DYNC2LI1: variants seen among roughly 807,000 people sequenced by gnomAD.
DYNC2LI1 encodes cytoplasmic dynein 2 light intermediate chain 1.
In DYNC2LI1, 45 loss-of-function variants were observed where a neutral mutation model predicts 51.9. The ratio of observed to expected loss-of-function variants is 0.87; its 90% confidence interval spans 0.68 to 1.11. The LOEUF is 1.11. Ranked by LOEUF, DYNC2LI1 falls within the 50% of genes most tolerant of loss-of-function variation. DYNC2LI1 has a pLI of 0.00. For synonymous variants in DYNC2LI1, 130 were observed against 137.8 expected, an observed-to-expected ratio of 0.94 and a Z score of 0.40; for missense variants, 490 against 417.4, an observed-to-expected ratio of 1.17 and a Z score of -1.51.
chr2:43,818,301 G>A, the DYNC2LI1 span, among the ~76,000 whole-genome samples: 7 of 151,984 alleles, frequency 4.6e-5, no homozygotes, highest in Non-Finnish European at 1.0e-4. Flanking sequence ...AAAATTAGCC[G>A]AGCATGGTGG....
chr2:43,821,569 T>C, the DYNC2LI1 span, among the ~76,000 whole-genome samples: 1 of 152,156 alleles, frequency 6.6e-6, no homozygotes, highest in South Asian at 2.1e-4. Flanking sequence ...CTTTGCCTTA[T>C]CAGTTCCCAC....
In DYNC2LI1 at chr2:43,776,883, T is replaced by C. The variant is rs760651394; in HGVS notation, c.110T>C (p.Ile37Thr). The change falls in exon 2 of 13, where the codon ATT becomes ACT. Residue 37 changes from isoleucine (I) to threonine (T), a missense_variant. By Grantham distance (89) the Ile-to-Thr change is moderately conservative. Coordinates refer to ENST00000260605, the MANE Select transcript of DYNC2LI1 (RefSeq NM_016008.4). ...AEIAEKFVFF[I>T]GSKNGGKTTI... Reference sequence around the variant, plus strand: ...ATTGCAGAAAAATTTGTTTTCTTCATTGGCAGTAAAAATGGGGTAATGCTT... The same window carrying C: ...ATTGCAGAAAAATTTGTTTTCTTCACTGGCAGTAAAAATGGGGTAATGCTT... 2 of 1,573,890 alleles carry C rather than the reference T, an allele frequency of 1.3e-6. No homozygotes were observed. Among genetic ancestry groups the C allele is most frequent in the Non-Finnish European group, 8.7e-7 (1 of 1,148,660 alleles).
At chr2:43,777,151 G>A (rs573573371) in intron 2 of DYNC2LI1, among the ~76,000 whole-genome samples, 37 of 152,252 alleles carry the variant, frequency 2.4e-4, no homozygotes, top group East Asian at 2.1e-3. Flanking sequence ...ACAATTGAGT[G>A]TAAAAGCTAG....
rs764138278 is a variant in DYNC2LI1 at position 43,801,656 on chromosome 2, A to C, written c.749A>C (p.Asp250Ala). The C allele has an allele frequency of 6.2e-7, 1 of 1,610,440 alleles. No individual in the cohort carries two copies. The highest frequency in any genetic ancestry group is 8.5e-7 in the Non-Finnish European group (1 of 1,178,058). The part of the protein sequence containing the change: ...GIDKSKSICV[D>A]QNKPLFITAG... The stretch of plus-strand genomic sequence containing the variant: ...CCACGTAGCAAATCAATATGTGTGG[A>C]TCAGAATAAACCGCTGTTTATCACA... Residue 250 changes from aspartate to alanine, a missense_variant, in exon 10 of 13, where the codon GAT (aspartate) becomes GCT (alanine). Physicochemically the swap from Asp to Ala is moderately radical, Grantham distance 126. Transcript: ENST00000260605.
chr2:43,822,402 T>C, the DYNC2LI1 span: 26 of 498,576 alleles, frequency 5.2e-5, no homozygotes, highest in Admixed American at 3.2e-4. Context: ...CCTCTGTTGG[T>C]TGCTGTCCTC....
the DYNC2LI1 span, among the ~76,000 whole-genome samples, chr2:43,816,094 A>T: frequency 8.8e-3 from 1,339 of 152,304 alleles, 23 homozygotes; most frequent in African/African-American, 0.031. Context: ...AAAATGTTCC[A>T]CATGCACCTA....
chr2:43,794,800 C>T (rs1465834224), intron 6 of DYNC2LI1, 157 bp downstream of exon 6: 2 of 1,486,548 alleles, frequency 1.3e-6, no homozygotes, highest in African/African-American at 1.4e-5. Context: ...TTATTAAAAC[C>T]TCAGTAAGAG....
At chr2:43,810,086 A>G, downstream of DYNC2LI1, 2 of 575,820 alleles carry the variant, frequency 3.5e-6, no homozygotes, top group Non-Finnish European at 4.5e-6. Flanking sequence ...TAAAAGTAAG[A>G]GTATTTGGTT....
chr2:43,821,453 G>A, the DYNC2LI1 span, among the ~76,000 whole-genome samples: 1 of 152,132 alleles, frequency 6.6e-6, no homozygotes, highest in South Asian at 2.1e-4. Flanking sequence ...AAATGGTTTC[G>A]CTCCCAGGAT....
intron 4 of DYNC2LI1, among the ~76,000 whole-genome samples, chr2:43,788,693 C>T (rs1673635549): frequency 6.6e-6 from 1 of 152,136 alleles, no homozygotes; most frequent in Non-Finnish European, 1.5e-5. Context: ...GATCATAGCT[C>T]ATGGCAGCCT....
intron 4 of DYNC2LI1, among the ~76,000 whole-genome samples, chr2:43,789,368 C>T (rs536838770): frequency 5.3e-5 from 8 of 152,128 alleles, no homozygotes; most frequent in South Asian, 2.1e-4. Context: ...ACAAGATTGA[C>T]GCACTGTTGA....
chr2:43,811,225 C>G (rs1325726309), downstream of DYNC2LI1, among the ~76,000 whole-genome samples: 2 of 152,114 alleles, frequency 1.3e-5, no homozygotes, highest in Admixed American at 1.3e-4. Flanking sequence ...ACTGATGTGA[C>G]ATATATAATC....
At chr2:43,824,973 A>G in the DYNC2LI1 span, 1 of 1,614,080 alleles carries the variant, frequency 6.2e-7, no homozygotes, top group Non-Finnish European at 8.5e-7. Flanking sequence ...GGCGTGCCAC[A>G]GAAAATCAGC....
chr2:43,820,138 G>T, the DYNC2LI1 span: 2 of 1,593,628 alleles, frequency 1.3e-6, no homozygotes, highest in Non-Finnish European at 1.7e-6. Context: ...CTCTCCAAGG[G>T]CTATCATTTA....
the DYNC2LI1 span, chr2:43,827,947 A>C: frequency 6.2e-7 from 1 of 1,612,758 alleles, no homozygotes; most frequent in Non-Finnish European, 8.5e-7. Context: ...GAAGATGCCC[A>C]GACAGCAGCT....
the DYNC2LI1 span, among the ~76,000 whole-genome samples, chr2:43,827,707 A>G: frequency 6.6e-6 from 1 of 152,218 alleles, no homozygotes; most frequent in Non-Finnish European, 1.5e-5. Flanking sequence ...TGGCAGGGCA[A>G]GGCTCCATAT....
At chr2:43,805,984 C>G (rs1336960647) in intron 12 of DYNC2LI1, among the ~76,000 whole-genome samples, 1 of 151,834 alleles carries the variant, frequency 6.6e-6, no homozygotes, top group African/African-American at 2.4e-5. Flanking sequence ...CGGGTTCAAG[C>G]AATTCTCTGC....
At chr2:43,819,096 A>G in the DYNC2LI1 span, among the ~76,000 whole-genome samples, 1 of 152,322 alleles carries the variant, frequency 6.6e-6, no homozygotes, top group South Asian at 2.1e-4. Context: ...ACTTTTATAT[A>G]GTAGATGCTC....
chr2:43,808,326 A>G (rs1273802452), intron 12 of DYNC2LI1, among the ~76,000 whole-genome samples: 1 of 151,948 alleles, frequency 6.6e-6, no homozygotes, highest in African/African-American at 2.4e-5. Context: ...GAAACATTTA[A>G]CATTTAAATT....
Sources: allele counts gnomAD v4.1 joint callset (sites outside exome capture counted in the v4.1 genomes callset), GRCh38; gene constraint gnomAD v4.1.1; transcripts MANE v1.5; gene names NCBI Gene and HGNC (gene_info 2026-07-23, HGNC 2026-07-21).